Variants in WDR7 observed in about 807,000 individuals in gnomAD.
WDR7 encodes WD repeat-containing protein 7.
Under a neutral mutation model 169.4 loss-of-function variants are expected in WDR7, and 46 were observed. The ratio of observed to expected loss-of-function variants is 0.27; its 90% CI spans 0.21 to 0.35. The LOEUF (loss-of-function observed/expected upper bound fraction) is 0.35, where lower values mean the gene tolerates loss of function less well. Among genes scored for constraint, WDR7 ranks in the 10% least tolerant of loss-of-function variants. WDR7 has a pLI of 1.00. For missense variants in WDR7, 1,534 were observed against 1,859.3 expected (o/e 0.83, Z 3.22); for synonymous variants, 612 against 666.8 (o/e 0.92, Z 1.27).
Position 56,730,593 on chromosome 18 carries a change from T to C in WDR7, c.1775-790T>C, listed in dbSNP as rs1327785336. On this transcript the variant is annotated intron_variant, in intron 13 of 27. Transcript: ENST00000254442. ...CATCCTGGCTAACACGGTGAAACCC[T>C]GTCTCTACTAAAAATACAAAAAATT... Among the ~76,000 whole-genome samples the C allele has an allele frequency of 4.6e-5, 7 of 151,942 alleles. No homozygotes were observed. The South Asian group carries it at 1.2e-3, about 27-fold the overall frequency.
intron 19 of WDR7, among the ~76,000 whole-genome samples, chr18:56,792,202 C>T (rs184258446): frequency 1.7e-4 from 26 of 152,058 alleles, no homozygotes; most frequent in Admixed American, 1.6e-3. Context: ...TTTTTTCTTT[C>T]GTAAGGGGTC....
At chr18:56,759,037 T>C (rs1447321260) in intron 16 of WDR7, 84 bp downstream of exon 16, 2 of 959,420 alleles carry the variant, frequency 2.1e-6, no homozygotes, top group African/African-American at 4.2e-5. Flanking sequence ...AATCATAATA[T>C]TTGTTTGTCT....
chr18:56,881,236 C>G (rs1052159840), intron 21 of WDR7, among the ~76,000 whole-genome samples: 2 of 152,156 alleles, frequency 1.3e-5, no homozygotes, highest in African/African-American at 4.8e-5. Context: ...TAGTGATAAT[C>G]TCTTGATCTC....
intron 26 of WDR7, among the ~76,000 whole-genome samples, chr18:56,978,300 A>T (rs149878335): frequency 6.6e-6 from 1 of 152,208 alleles, no homozygotes; most frequent in Non-Finnish European, 1.5e-5. Flanking sequence ...GGGATAAGAC[A>T]ATTTTTTAAA....
chr18:56,982,502 C>T (rs577218957), intron 26 of WDR7, among the ~76,000 whole-genome samples: 2 of 152,286 alleles, frequency 1.3e-5, no homozygotes, highest in South Asian at 4.1e-4. Flanking sequence ...CAAGAAGGCT[C>T]ATGAGCTTGA....
chr18:56,773,919 C>T (rs2044203015), intron 16 of WDR7, among the ~76,000 whole-genome samples: 1 of 151,658 alleles, frequency 6.6e-6, no homozygotes, highest in Admixed American at 6.6e-5. Flanking sequence ...TCTCCCCTCA[C>T]CCACCCTCCC....
chr18:56,975,067 G>A (rs551712824), intron 26 of WDR7, among the ~76,000 whole-genome samples: 52 of 152,148 alleles, frequency 3.4e-4, no homozygotes, highest in African/African-American at 1.2e-3. Context: ...GTGAAACCCC[G>A]TATCTACTAA....
chr18:56,760,642 T>C (rs2043967667), intron 16 of WDR7, among the ~76,000 whole-genome samples: 1 of 152,216 alleles, frequency 6.6e-6, no homozygotes, highest in South Asian at 2.1e-4. Flanking sequence ...TGAGCATCCT[T>C]GTATTTTAAA....
At chr18:57,011,880 G>A (rs750546375) in intron 26 of WDR7, among the ~76,000 whole-genome samples, 4 of 152,138 alleles carry the variant, frequency 2.6e-5, no homozygotes, top group East Asian at 1.9e-4. Context: ...TATATTTTGC[G>A]TCCCAAGTGA....
intron 26 of WDR7, among the ~76,000 whole-genome samples, chr18:56,965,455 GT>G (rs113816269): frequency 7.4e-4 from 102 of 138,410 alleles, no homozygotes; most frequent in East Asian, 6.1e-3. Context: ...TTTTTAATCT[GT>G]TTTTTTTTTT....
At chr18:56,848,818 G>T (rs1447213766) in intron 20 of WDR7, among the ~76,000 whole-genome samples, 1 of 151,982 alleles carries the variant, frequency 6.6e-6, no homozygotes. Flanking sequence ...GCTCCCTGAG[G>T]CCTCCCCAAA....
At position 56,875,533 on chromosome 18, in the gene WDR7, A is replaced by G. The variant is rs764585522; in HGVS notation, c.3305-4411A>G. Among the ~76,000 whole-genome samples, 14 of 152,324 alleles carry G rather than the reference A, an allele frequency of 9.2e-5. 1 individual carries two copies. In the Middle Eastern group the frequency reaches 0.01, roughly 111 times the overall value. On this transcript the variant is annotated intron_variant, in intron 20 of 27. Transcript: ENST00000254442. ...ATGTGCATATGACCTACAGAATCAT[A>G]TATGATCTGGCCCTTTCCTGCCTCT...
chr18:56,683,093 AT>A, intron 5 of WDR7, among the ~76,000 whole-genome samples: 1 of 152,218 alleles, frequency 6.6e-6, no homozygotes, highest in African/African-American at 2.4e-5. Context: ...TTGACAGAGT[AT>A]ATGGGTGATT....
chr18:56,854,602 A>G (rs1364298757), intron 20 of WDR7, among the ~76,000 whole-genome samples: 4 of 152,180 alleles, frequency 2.6e-5, no homozygotes, highest in Non-Finnish European at 5.9e-5. Flanking sequence ...CTCTAATGCT[A>G]ATGGACTTTG....
At chr18:56,858,023 ACTGG>A (rs2045749278) in intron 20 of WDR7, among the ~76,000 whole-genome samples, 1 of 151,922 alleles carries the variant, frequency 6.6e-6, no homozygotes, top group African/African-American at 2.4e-5. Context: ...CTATCACCTG[ACTGG>A]GAATCATTTC....
intron 26 of WDR7, among the ~76,000 whole-genome samples, chr18:56,999,746 A>G (rs566318334): frequency 9.8e-5 from 15 of 152,296 alleles, no homozygotes; most frequent in African/African-American, 3.4e-4. Flanking sequence ...AATAAATCCA[A>G]CAATACCAAG....
chr18:56,695,633 G>A (rs759526377), intron 11 of WDR7, among the ~76,000 whole-genome samples: 1 of 151,336 alleles, frequency 6.6e-6, no homozygotes, highest in Non-Finnish European at 1.5e-5. Context: ...TGCCTCCTGA[G>A]TTCAAGCAGT....
chr18:56,678,106 G>T (rs1379326193), intron 2 of WDR7, among the ~76,000 whole-genome samples: 1 of 152,112 alleles, frequency 6.6e-6, no homozygotes, highest in African/African-American at 2.4e-5. Flanking sequence ...ATTTCTGCCA[G>T]ATTCTTTTTT....
chr18:56,776,195 A>C (rs2044240857), intron 16 of WDR7, among the ~76,000 whole-genome samples: 2 of 151,350 alleles, frequency 1.3e-5, no homozygotes, highest in South Asian at 2.1e-4. Context: ...AAAAAAAAAA[A>C]CTCCAATGAA....
Sources: gnomAD v4.1 joint callset for allele counts (sites outside exome capture counted in the v4.1 genomes callset) on GRCh38, gnomAD v4.1.1 for gene constraint, MANE v1.5 for transcripts, NCBI Gene and HGNC (gene_info 2026-07-23, HGNC 2026-07-21) for gene names.